GPI: variants seen among roughly 807,000 people sequenced by gnomAD.
GPI encodes D-hexose-6-phosphate anomerase.
In GPI, 56 loss-of-function variants were observed where a neutral mutation model predicts 75.8. That is an observed-to-expected ratio of 0.74 (90% CI 0.60 to 0.92). The LOEUF is 0.92. Ranked by LOEUF, GPI falls within the 40% of genes least tolerant of loss-of-function variation. The probability of loss-of-function intolerance (pLI) is 0.00; values close to 1 mark genes in which losing one functional copy is unlikely to be tolerated. For synonymous variants in GPI, 288 were observed against 285.4 expected, an observed-to-expected ratio of 1.01 and a Z score of -0.09; for missense variants, 638 against 741.0, an observed-to-expected ratio of 0.86 and a Z score of 1.61.
intron 6 of GPI, 80 bp from the exon 7 acceptor site, chr19:34,378,854 G>A (rs2074594249): frequency 2.0e-6 from 2 of 996,010 alleles, no homozygotes; most frequent in South Asian, 2.5e-5. Context: ...CATTGCCTTG[G>A]CCTCTACTGC....
intron 6 of GPI, among the ~76,000 whole-genome samples, chr19:34,378,299 A>G (rs1439210526): frequency 6.6e-6 from 1 of 152,066 alleles, no homozygotes; most frequent in African/African-American, 2.4e-5. Context: ...GTTTCAAGCG[A>G]TTCTCCTGCC....
chr19:34,397,405 C>T (rs2074961638), intron 14 of GPI: 1 of 152,410 alleles, frequency 6.6e-6, no homozygotes, highest in Non-Finnish European at 1.5e-5. Flanking sequence ...CAGGTTAAAT[C>T]CTTCTCTGAA....
rs191915574 is a variant in GPI at position 34,376,327 on chromosome 19, A to G, written c.403-1176A>G. On this transcript the variant is annotated intron_variant, in intron 4 of 17. Transcript: ENST00000356487. ...TCCAAGCGCTTTGGGAGGCCGAGGCAGGTGGATCACCTGAGGTCAGGAGTT... is the reference window on the plus strand; with the variant it reads ...TCCAAGCGCTTTGGGAGGCCGAGGCGGGTGGATCACCTGAGGTCAGGAGTT... Among the ~76,000 whole-genome samples the G allele has an allele frequency of 2.6e-5, 4 of 152,102 alleles. No homozygotes were observed. The East Asian group carries it at 7.8e-4, about 30-fold the overall frequency.
chr19:34,368,289 C>G (rs1221372714), intron 3 of GPI, among the ~76,000 whole-genome samples: 1 of 152,242 alleles, frequency 6.6e-6, no homozygotes, highest in African/African-American at 2.4e-5. Flanking sequence ...CACTGTTCCT[C>G]TTTTCTCTCA....
intron 8 of GPI, among the ~76,000 whole-genome samples, chr19:34,380,203 C>T (rs865867502): frequency 1.3e-5 from 2 of 151,916 alleles, no homozygotes; most frequent in South Asian, 2.1e-4. Context: ...ACCACGTTGG[C>T]CAGGCTGGTC....
In GPI at chr19:34,396,378, G is replaced by A; in HGVS notation, c.1140G>A (p.Trp380Ter). ...RVDHQTGPIV[W>*]GEPGTNGQHA... is the part of the protein sequence containing the mutation. Reference sequence around the variant, plus strand: ...ACCACCAGACAGGCCCCATTGTGTGGGGGGAGCCAGGGACCAATGGCCAGC... The same window carrying A: ...ACCACCAGACAGGCCCCATTGTGTGAGGGGAGCCAGGGACCAATGGCCAGC... Residue 380 changes from tryptophan to a stop codon, truncating the protein, a stop_gained, in exon 13 of 18, where the codon TGG becomes TGA. Coordinates refer to ENST00000356487, the MANE Select transcript of GPI (RefSeq NM_000175.5). LOFTEE classifies it high-confidence loss of function. The A allele has an allele frequency of 6.2e-7, 1 of 1,614,196 alleles. No homozygotes were observed. Among genetic ancestry groups the A allele is most frequent in the Non-Finnish European group, 8.5e-7 (1 of 1,180,022 alleles).
At chr19:34,384,990 G>C (rs10412410) in intron 9 of GPI, among the ~76,000 whole-genome samples, 49,109 of 150,164 alleles carry the variant, frequency 0.33, 11,329 homozygotes, top group African/African-American at 0.65. Context: ...GAGCCAAGAT[G>C]GTGCTACTGC....
At position 34,393,096 on chromosome 19, in the gene GPI, C is replaced by T. The variant is rs1022545861; in HGVS notation, c.805-152C>T. On this transcript the variant is annotated intron_variant, in intron 9 of 17. Coordinates refer to ENST00000356487, the MANE Select transcript of GPI (RefSeq NM_000175.5). The surrounding 1 kb of genome is among the most constrained non-coding windows in gnomAD (Gnocchi z 4.4). Reference sequence around the variant, plus strand: ...GCCCTGTTGGTCTTCCCATGTGTTGCCAGCACCTGCCTGCTGCCTTGCTTC... The same window carrying T: ...GCCCTGTTGGTCTTCCCATGTGTTGTCAGCACCTGCCTGCTGCCTTGCTTC... 2.9e-6 allele frequency: 2 copies of T among 701,618 alleles called. No individual in the cohort carries two copies. The highest frequency in any genetic ancestry group is 5.2e-6 in the Non-Finnish European group (2 of 383,782). 43.5% of individuals were successfully genotyped at this position (701,618 alleles called of 1,614,324 possible).
intron 12 of GPI, among the ~76,000 whole-genome samples, chr19:34,394,559 C>G (rs533092997): frequency 8.0e-6 from 1 of 125,272 alleles, no homozygotes; most frequent in African/African-American, 3.0e-5. Context: ...CCTGCACTGC[C>G]TTTATCCCTC....
upstream of GPI, among the ~76,000 whole-genome samples, chr19:34,362,226 G>T (rs2145303884): frequency 6.6e-6 from 1 of 152,072 alleles, no homozygotes; most frequent in East Asian, 1.9e-4. Context: ...GGTGGAGGTT[G>T]CAGGGAAGCA....
At position 34,400,295 on chromosome 19, in the gene GPI, A is replaced by G; in HGVS notation, c.*259A>G. On this transcript the variant is annotated 3_prime_UTR_variant, in exon 18 of 18. Transcript: ENST00000356487. ...TCTGACCCATGTTCACGTTGTTCACATCCCATGTAGAAAAATAAAGATGCC... is the reference window on the plus strand; with the variant it reads ...TCTGACCCATGTTCACGTTGTTCACGTCCCATGTAGAAAAATAAAGATGCC... The G allele has an allele frequency of 1.7e-6, 1 of 599,672 alleles. No individual in the cohort carries two copies. Among genetic ancestry groups the G allele is most frequent in the Non-Finnish European group, 3.0e-6 (1 of 337,220 alleles). The allele number at this position is 599,672 out of a possible 1,614,324, so 37.1% of individuals were successfully genotyped here.
At chr19:34,380,853 G>A in intron 8 of GPI, 1 of 184,566 alleles carries the variant, frequency 5.4e-6, no homozygotes, top group Non-Finnish European at 1.2e-5. Context: ...GACGCCATAA[G>A]GCTGGCTAAC....
rs2074845474 is a variant in GPI, at chr19:34,391,906, G to T, written c.805-1342G>T. On this transcript the variant is annotated intron_variant, in intron 9 of 17. Transcript: ENST00000356487. ...TCAATGTCTGAGGAGGCAGTATCTGGTACAGGTATGAGGATCTGGGTCTGT... is the reference window on the plus strand; with the variant it reads ...TCAATGTCTGAGGAGGCAGTATCTGTTACAGGTATGAGGATCTGGGTCTGT... 3.6e-3 allele frequency among the ~76,000 whole-genome samples: 8 copies of T among 2,242 alleles called. No homozygotes were observed. In the Admixed American group the frequency reaches 0.036, roughly 10 times the overall value. The allele number at this position is 2,242 out of a possible 152,430, so 1.5% of individuals were successfully genotyped here.
At chr19:34,380,659 G>C (rs2074636238) in intron 8 of GPI, among the ~76,000 whole-genome samples, 1 of 152,204 alleles carries the variant, frequency 6.6e-6, no homozygotes, top group Admixed American at 6.5e-5. Flanking sequence ...CAGTCTGCCT[G>C]GCCTCGAGGT....
intron 3 of GPI, among the ~76,000 whole-genome samples, chr19:34,367,529 G>A (rs547137358): frequency 2.2e-4 from 34 of 152,302 alleles, no homozygotes; most frequent in South Asian, 6.2e-4. Context: ...AAAATGTGGC[G>A]CAGGAGTGGG....
intron 12 of GPI, 88 bp from the exon 13 acceptor site, chr19:34,396,213 C>A: frequency 6.7e-7 from 1 of 1,482,352 alleles, no homozygotes; most frequent in Non-Finnish European, 9.3e-7. Context: ...GCTGGAATTA[C>A]AGGCTTGAGC....
In GPI at chr19:34,394,178, G is replaced by A. The variant is rs924413651; in HGVS notation, c.1062+112G>A. ...GAGCTCTTTGCCCCATTGCCCTTGG[G>A]CCTGGCCAAGGTCCATCTGTGCTCC... is the stretch of plus-strand genomic sequence containing the variant. On this transcript the variant is annotated intron_variant, in intron 12 of 17. Coordinates refer to ENST00000356487, the MANE Select transcript of GPI (RefSeq NM_000175.5). The A allele has an allele frequency of 1.2e-4, 88 of 758,976 alleles. No individual in the cohort carries two copies. In the South Asian group the frequency reaches 1.2e-3, roughly 11 times the overall value. 47.0% of individuals were successfully genotyped at this position (758,976 alleles called of 1,614,324 possible).
In GPI at chr19:34,370,594, G is replaced by A. The variant is rs933979291; in HGVS notation, c.402+1892G>A. Among the ~76,000 whole-genome samples, 4 of 151,942 alleles carry A rather than the reference G, an allele frequency of 2.6e-5. No homozygotes were observed. In the East Asian group the frequency reaches 5.8e-4, roughly 22 times the overall value. On this transcript the variant is annotated intron_variant, in intron 4 of 17. Coordinates refer to ENST00000356487, the MANE Select transcript of GPI (RefSeq NM_000175.5). Reference sequence around the variant, plus strand: ...AAATTACCTGGGCGGGCATGGTGGCGAGCACCTGTAATATCAGCTACTGGG... The same window carrying A: ...AAATTACCTGGGCGGGCATGGTGGCAAGCACCTGTAATATCAGCTACTGGG...
At chr19:34,377,396 G>A (rs2074562895) in intron 4 of GPI, 107 bp from the exon 5 acceptor site, 2 of 717,068 alleles carry the variant, frequency 2.8e-6, no homozygotes, top group Non-Finnish European at 5.1e-6. Flanking sequence ...CACCTGCGAG[G>A]GCCTGAAAGC....
Sources: gnomAD v4.1 joint callset for allele counts (sites outside exome capture counted in the v4.1 genomes callset) on GRCh38, gnomAD v4.1.1 for gene constraint, Gnocchi (gnomAD v3.1) non-coding constraint, MANE v1.5 for transcripts, NCBI Gene and HGNC (gene_info 2026-07-23, HGNC 2026-07-21) for gene names.